Variants in S100A7A observed in about 807,000 individuals in gnomAD.
S100A7A encodes protein S100-A7A.
Under a neutral mutation model 4.0 loss-of-function variants are expected in S100A7A, and 5 were observed. That is an observed-to-expected ratio of 1.26 (90% confidence interval 0.66 to 2.66). S100A7A has a LOEUF of 2.66. Among genes scored for constraint, S100A7A ranks in the 30% most tolerant of loss-of-function variants. The pLI, the probability that S100A7A is intolerant of heterozygous loss-of-function variation, is 0.01. For synonymous variants in S100A7A, 52 were observed against 46.4 expected, an observed-to-expected ratio of 1.12 and a Z score of -0.49; for missense variants, 159 against 125.1, an observed-to-expected ratio of 1.27 and a Z score of -1.29.
In S100A7A at chr1:153,419,542, A is replaced by G; in HGVS notation, c.*233A>G. On this transcript the variant is annotated 3_prime_UTR_variant, in exon 3 of 3. Transcript: ENST00000368729. Reference sequence around the variant, plus strand: ...CCAGCAGAGCTGATCTGCCTCTCACACAGGTCCTGGTGTCTGCCTCTGCAC... The same window carrying G: ...CCAGCAGAGCTGATCTGCCTCTCACGCAGGTCCTGGTGTCTGCCTCTGCAC... The G allele has an allele frequency of 1.8e-6, 1 of 570,522 alleles. No homozygotes were observed. Among genetic ancestry groups the G allele is most frequent in the Non-Finnish European group, 3.1e-6 (1 of 323,068 alleles). The allele number at this position is 570,522 out of a possible 1,614,324, so 35.3% of individuals were successfully genotyped here. A position where few individuals can be genotyped will look rare whatever the true frequency, so the allele number is the denominator to read the frequency against.
intron 1 of S100A7A, among the ~76,000 whole-genome samples, chr1:153,417,750 G>A (rs543872053): frequency 6.6e-6 from 1 of 152,266 alleles, no homozygotes; most frequent in African/African-American, 2.4e-5. Context: ...GAGGCTGGGG[G>A]GTCCCAGCTT....
chr1:153,418,183 C>A lies in S100A7A; in HGVS notation c.101C>A (p.Thr34Lys), dbSNP rs377370756. 11 of 1,613,892 alleles carry A rather than the reference C, an allele frequency of 6.8e-6. No homozygotes were observed. The African/African-American group carries it at 1.3e-4, about 20-fold the overall frequency. ...DGKIEKPSLL[T>K]MMKENFPNFL... is the part of the protein sequence containing the mutation. ...AAGATTGAGAAGCCAAGCCTGCTGA[C>A]GATGATGAAGGAGAACTTCCCCAAT... Residue 34 changes from threonine to lysine, a missense_variant, in exon 2 of 3, where the codon ACG becomes AAG. Transcript: ENST00000368729.
Position 153,422,430 on chromosome 1 carries a change from T to G in S100A7A, c.*3121T>G. 1.2e-6 allele frequency: 1 copy of G among 820,478 alleles called. No individual in the cohort carries two copies. The highest frequency in any genetic ancestry group is 1.5e-6 in the Non-Finnish European group (1 of 679,712). The allele number at this position is 820,478 out of a possible 1,614,324, so 50.8% of individuals were successfully genotyped here. ...TTCTAACACATACTAGAGCAAGAAT[T>G]TACTTGATTTGGAATAATTAATAGC... is the stretch of plus-strand genomic sequence containing the variant. On this transcript the variant is annotated 3_prime_UTR_variant, in exon 3 of 3. Coordinates refer to ENST00000368729, the MANE Select transcript of S100A7A (RefSeq NM_176823.4).
rs776110023 is a variant in S100A7A, at chr1:153,419,319, A to T, written c.*10A>T. The stretch of plus-strand genomic sequence containing the variant: ...TGGGGGAAGCCAGTGATCCAGCCCC[A>T]CCAAGGGGCCTCCAGAGACCCCAGG... On this transcript the variant is annotated 3_prime_UTR_variant, in exon 3 of 3. Transcript: ENST00000368729. 6.1e-5 allele frequency: 98 copies of T among 1,611,746 alleles called. No homozygotes were observed. Among genetic ancestry groups the T allele is most frequent in the Non-Finnish European group, 7.7e-5 (91 of 1,179,106 alleles).
At chr1:153,416,669 G>T (rs574857245) in intron 1 of S100A7A, 106 bp downstream of exon 1, 7 of 309,390 alleles carry the variant, frequency 2.3e-5, no homozygotes, top group South Asian at 1.7e-4. Context: ...CAGAAGCCTG[G>T]GTCTAGGCCA....
At chr1:153,416,609 C>T (rs1031486914) in intron 1 of S100A7A, 46 bp downstream of exon 1, 3 of 443,962 alleles carry the variant, frequency 6.8e-6, no homozygotes, top group Admixed American at 2.6e-5. Context: ...TGCCCAGTGC[C>T]CAGCCTGCCA....
At chr1:153,416,632 G>C in intron 1 of S100A7A, 69 bp downstream of exon 1, 1 of 417,088 alleles carries the variant, frequency 2.4e-6, no homozygotes, top group South Asian at 2.1e-5. Context: ...CTGCCTGTAG[G>C]AAGGGAAAGG....
chr1:153,417,808 T>C (rs1336302803), intron 1 of S100A7A: 14 of 373,006 alleles, frequency 3.8e-5, no homozygotes, highest in African/African-American at 2.7e-4. Context: ...CTTCTCCTTC[T>C]CTGAAGCACT....
intron 1 of S100A7A, 120 bp from the exon 2 acceptor site, chr1:153,417,946 A>G (rs1382798086): frequency 4.7e-6 from 6 of 1,283,896 alleles, no homozygotes; most frequent in Non-Finnish European, 6.4e-6. Context: ...AAAAAAATCA[A>G]GTTCCTTCTG....
chr1:153,418,036 G>T (rs1466146482), intron 1 of S100A7A, 30 bp from the exon 2 acceptor site: 2 of 1,611,004 alleles, frequency 1.2e-6, no homozygotes, highest in African/African-American at 2.7e-5. Flanking sequence ...TCAAACTAAG[G>T]TAAGAAATGA....
chr1:153,422,170 TAGAACAG>T lies in S100A7A; in HGVS notation c.*2863_*2869del, dbSNP rs1228159317. ...ATTCCAAACTCACCAAGGTGGCTTATAGAACAGAAGCAGATGGATATGAAGAGGAGAG... is the reference window on the plus strand; with the variant it reads ...ATTCCAAACTCACCAAGGTGGCTTATAAGCAGATGGATATGAAGAGGAGAG... On this transcript the variant is annotated 3_prime_UTR_variant, in exon 3 of 3. Transcript: ENST00000368729. 1 of 152,226 alleles carries T rather than the reference TAGAACAG, an allele frequency of 6.6e-6. No homozygotes were observed. Among genetic ancestry groups the T allele is most frequent in the Admixed American group, 6.5e-5 (1 of 15,286 alleles). 9.4% of individuals were successfully genotyped at this position (152,226 alleles called of 1,614,324 possible).
Position 153,419,949 on chromosome 1 carries a change from C to A in S100A7A, c.*640C>A, listed in dbSNP as rs538722428. ...TGTGTGCATGTGCCTATGTGGGTGACCCTGTGGAAGTGAGAAGGAGTCACT... is the reference window on the plus strand; with the variant it reads ...TGTGTGCATGTGCCTATGTGGGTGAACCTGTGGAAGTGAGAAGGAGTCACT... On this transcript the variant is annotated 3_prime_UTR_variant, in exon 3 of 3. Transcript: ENST00000368729. 6.5e-6 allele frequency: 1 copy of A among 152,686 alleles called. No homozygotes were observed. Among genetic ancestry groups the A allele is most frequent in the African/African-American group, 2.4e-5 (1 of 41,432 alleles). 9.5% of individuals were successfully genotyped at this position (152,686 alleles called of 1,614,324 possible).
chr1:153,417,363 C>T (rs980257128), intron 1 of S100A7A: 7 of 152,266 alleles, frequency 4.6e-5, no homozygotes, highest in African/African-American at 1.7e-4. Flanking sequence ...GAAGCGACTC[C>T]CACCTCACTC....
At chr1:153,417,983 G>A (rs1571184085) in intron 1 of S100A7A, 83 bp from the exon 2 acceptor site, 1 of 1,539,028 alleles carries the variant, frequency 6.5e-7, no homozygotes, top group East Asian at 2.3e-5. Flanking sequence ...TTTTTACTCT[G>A]TCCTCAGCCC....
intron 1 of S100A7A, among the ~76,000 whole-genome samples, chr1:153,417,736 G>T (rs1254977218): frequency 6.6e-6 from 1 of 152,072 alleles, no homozygotes; most frequent in Non-Finnish European, 1.5e-5. Context: ...GCCATGTGCT[G>T]GTTGAGGCTG....
At chr1:153,418,006 C>A (rs1207616455) in intron 1 of S100A7A, 60 bp from the exon 2 acceptor site, 3 of 1,591,402 alleles carry the variant, frequency 1.9e-6, no homozygotes, top group South Asian at 2.3e-5. Flanking sequence ...CTTCTAACAC[C>A]CCCACATAGA....
intron 1 of S100A7A, among the ~76,000 whole-genome samples, chr1:153,417,472 C>A (rs561436333): frequency 6.6e-6 from 1 of 152,134 alleles, no homozygotes; most frequent in Non-Finnish European, 1.5e-5. Flanking sequence ...AGGAAGGGCC[C>A]CCTGTCCTCG....
chr1:153,418,160 G>A lies in S100A7A; in HGVS notation c.78G>A (p.Lys26=), dbSNP rs1424039900. 2 of 1,614,084 alleles carry A rather than the reference G, an allele frequency of 1.2e-6. No homozygotes were observed. Among genetic ancestry groups the A allele is most frequent in the Non-Finnish European group, 1.7e-6 (2 of 1,179,962 alleles). The stretch of plus-strand genomic sequence containing the variant: ...ACAAATACACCGGACGTGATGGCAA[G>A]ATTGAGAAGCCAAGCCTGCTGACGA... ...MFHKYTGRDG[K]IEKPSLLTMM... Residue 26 remains lysine (K), a synonymous_variant, in exon 2 of 3, where the codon AAG becomes AAA. Coordinates refer to ENST00000368729, the MANE Select transcript of S100A7A (RefSeq NM_176823.4).
rs569585139 is a variant in S100A7A, at chr1:153,419,383, T to G, written c.*74T>G. 1 of 1,487,694 alleles carries G rather than the reference T, an allele frequency of 6.7e-7. No homozygotes were observed. Among genetic ancestry groups the G allele is most frequent in the African/African-American group, 1.4e-5 (1 of 70,992 alleles). The allele number at this position is 1,487,694 out of a possible 1,614,324, so 92.2% of individuals were successfully genotyped here. On this transcript the variant is annotated 3_prime_UTR_variant, in exon 3 of 3. Transcript: ENST00000368729. ...TCCTCCCACCAGACACTTGCCTTAT[T>G]TCTTCTTCTCTTTGGTGACCTACAT...
Sources: gnomAD v4.1 joint callset for allele counts (sites outside exome capture counted in the v4.1 genomes callset) on GRCh38, gnomAD v4.1.1 for gene constraint, MANE v1.5 for transcripts, NCBI Gene and HGNC (gene_info 2026-07-23, HGNC 2026-07-21) for gene names.